SLC25A21: variants seen among roughly 807,000 people sequenced by gnomAD.
The protein encoded by SLC25A21 is solute carrier family 25 member 21, also known as mitochondrial 2-oxodicarboxylate carrier.
Under a neutral mutation model 43.8 loss-of-function variants are expected in SLC25A21, and 47 were observed. That is an observed-to-expected ratio of 1.07 (90% CI 0.85 to 1.37). The LOEUF is 1.37. Ranked by LOEUF, SLC25A21 falls within the 40% of genes most tolerant of loss-of-function variation. The pLI, the probability that SLC25A21 is intolerant of heterozygous loss-of-function variation, is 0.00. For missense variants in SLC25A21, 352 were observed against 350.2 expected (o/e 1.00, Z -0.04); for synonymous variants, 131 against 121.3 (o/e 1.08, Z -0.52).
intron 3 of SLC25A21, chr14:36,809,211 G>A (rs1888148700): frequency 6.6e-6 from 1 of 152,116 alleles, no homozygotes; most frequent in Non-Finnish European, 1.5e-5. Context: ...TACAGTAGAT[G>A]GACCTATTTA....
intron 7 of SLC25A21, among the ~76,000 whole-genome samples, chr14:36,703,367 C>T (rs1883364010): frequency 6.6e-6 from 1 of 152,106 alleles, no homozygotes; most frequent in Non-Finnish European, 1.5e-5. Context: ...GGGTCTGGCA[C>T]CACCCTCAGA....
chr14:36,962,390 C>T (rs1409511679), intron 1 of SLC25A21, among the ~76,000 whole-genome samples: 4 of 152,040 alleles, frequency 2.6e-5, no homozygotes, highest in African/African-American at 4.8e-5. Flanking sequence ...AACTTTATTC[C>T]TCATGTTGTA....
intron 1 of SLC25A21, among the ~76,000 whole-genome samples, chr14:36,941,973 A>G (rs539742821): frequency 1.6e-4 from 24 of 152,272 alleles, no homozygotes; most frequent in African/African-American, 5.5e-4. Context: ...AGGAGAAATA[A>G]TTGTATCAAT....
chr14:36,715,806 A>G (rs1884103234), intron 6 of SLC25A21, among the ~76,000 whole-genome samples: 5 of 152,220 alleles, frequency 3.3e-5, no homozygotes, highest in Admixed American at 3.3e-4. Context: ...AAAAAAGCAG[A>G]TCCTTGGCTG....
intron 1 of SLC25A21, among the ~76,000 whole-genome samples, chr14:36,969,094 G>A (rs7155682): frequency 8.5e-4 from 129 of 152,070 alleles, no homozygotes; most frequent in African/African-American, 3.0e-3. Flanking sequence ...TTAATATATC[G>A]GAAAATTCAG....
intron 2 of SLC25A21, among the ~76,000 whole-genome samples, chr14:36,841,689 T>C (rs910473105): frequency 2.0e-5 from 3 of 152,218 alleles, no homozygotes; most frequent in Non-Finnish European, 4.4e-5. Context: ...CGCCTATGCA[T>C]ACCTTGCCCA....
At chr14:36,994,466 A>G (rs1960329558) in intron 1 of SLC25A21, among the ~76,000 whole-genome samples, 1 of 152,148 alleles carries the variant, frequency 6.6e-6, no homozygotes, top group Admixed American at 6.6e-5. Flanking sequence ...TTTTGTTTCC[A>G]CATGTTTACT....
intron 1 of SLC25A21, among the ~76,000 whole-genome samples, chr14:37,099,245 C>T (rs541166314): frequency 6.6e-6 from 1 of 152,260 alleles, no homozygotes; most frequent in South Asian, 2.1e-4. Flanking sequence ...GAGCATTTCT[C>T]AGCCTTTTCT....
At chr14:36,855,521 T>C in intron 2 of SLC25A21, among the ~76,000 whole-genome samples, 1 of 152,122 alleles carries the variant, frequency 6.6e-6, no homozygotes, top group Non-Finnish European at 1.5e-5. Context: ...CAAGTACCAA[T>C]CCAGAAAGAT....
At chr14:36,950,001 G>A (rs959217406) in intron 1 of SLC25A21, among the ~76,000 whole-genome samples, 2 of 152,242 alleles carry the variant, frequency 1.3e-5, no homozygotes, top group South Asian at 4.2e-4. Flanking sequence ...TAACGGTAAT[G>A]TACAGTCTGA....
At chr14:36,764,339 C>G (rs988364376) in intron 3 of SLC25A21, among the ~76,000 whole-genome samples, 1 of 151,566 alleles carries the variant, frequency 6.6e-6, no homozygotes, top group African/African-American at 2.4e-5. Context: ...GCCCAGCCCC[C>G]AGTAGAAACT....
chr14:37,040,440 A>AAAGAAAGT (rs68013942), intron 1 of SLC25A21, among the ~76,000 whole-genome samples: 1 of 48,674 alleles, frequency 2.1e-5, no homozygotes, highest in Admixed American at 1.6e-4. Context: ...AGAAAGAAAG[A>AAAGAAAGT]AAAGAAAAAT....
intron 1 of SLC25A21, among the ~76,000 whole-genome samples, chr14:37,031,161 A>T (rs999606396): frequency 6.6e-6 from 1 of 152,228 alleles, no homozygotes; most frequent in Non-Finnish European, 1.5e-5. Context: ...GAAACTTTGT[A>T]TAGAGACAAG....
intron 5 of SLC25A21, among the ~76,000 whole-genome samples, chr14:36,727,988 C>G (rs1442341225): frequency 6.6e-6 from 1 of 151,956 alleles, no homozygotes; most frequent in Non-Finnish European, 1.5e-5. Context: ...CTTTTTTGTT[C>G]TTCTATAAAA....
chr14:37,072,612 T>G (rs528535161), intron 1 of SLC25A21, among the ~76,000 whole-genome samples: 48 of 152,278 alleles, frequency 3.2e-4, no homozygotes, highest in Admixed American at 1.4e-3. Context: ...TTGGGCGTGG[T>G]GGTGCACACC....
At chr14:36,963,735 C>T (rs1326853744) in intron 1 of SLC25A21, among the ~76,000 whole-genome samples, 1 of 152,156 alleles carries the variant, frequency 6.6e-6, no homozygotes, top group African/African-American at 2.4e-5. Context: ...CAAGCCTGCT[C>T]AACGAGTGCC....
chr14:36,742,325 G>A (rs942200899), intron 3 of SLC25A21, among the ~76,000 whole-genome samples: 5 of 152,096 alleles, frequency 3.3e-5, no homozygotes, highest in African/African-American at 9.7e-5. Context: ...CGAAGTCCAC[G>A]CTCAACCCTG....
At chr14:36,715,653 G>T (rs1012062252) in intron 6 of SLC25A21, among the ~76,000 whole-genome samples, 2 of 152,242 alleles carry the variant, frequency 1.3e-5, no homozygotes, top group African/African-American at 4.8e-5. Context: ...GGATTGGGAT[G>T]AGACTTAACA....
chr14:37,054,291 T>C (rs1222777711), intron 1 of SLC25A21, among the ~76,000 whole-genome samples: 2 of 152,170 alleles, frequency 1.3e-5, no homozygotes, highest in Non-Finnish European at 2.9e-5. Context: ...CCAGCCTATC[T>C]ACAACTGAAT....
Sources: allele counts gnomAD v4.1 joint callset (sites outside exome capture counted in the v4.1 genomes callset), GRCh38; gene constraint gnomAD v4.1.1; transcripts MANE v1.5; gene names NCBI Gene and HGNC (gene_info 2026-07-23, HGNC 2026-07-21).